Variants in KAZN observed in about 807,000 individuals in gnomAD.
KAZN encodes kazrin.
Under a neutral mutation model 87.4 loss-of-function variants are expected in KAZN, and 40 were observed. That is an observed-to-expected ratio of 0.46 (90% CI 0.36 to 0.60). The LOEUF (loss-of-function observed/expected upper bound fraction) is 0.60, where lower values mean the gene tolerates loss of function less well. KAZN is among the 20% of genes least tolerant of loss of function. The pLI is 0.00. For missense variants in KAZN, 898 were observed against 1,073.9 expected, an observed-to-expected ratio of 0.84 and a Z score of 2.29; for synonymous variants, 466 against 458.3, an observed-to-expected ratio of 1.02 and a Z score of -0.22.
intron 3 of KAZN, 92 bp from the exon 4 acceptor site, chr1:15,043,897 C>CAAA (rs777451777): frequency 5.4e-6 from 7 of 1,285,440 alleles, no homozygotes; most frequent in Middle Eastern, 5.6e-4. Context: ...ACTTCTTTTT[C>CAAA]CATCTAGGAG....
chr1:14,811,020 C>A (rs1206958318), intron 1 of KAZN, among the ~76,000 whole-genome samples: 4 of 152,144 alleles, frequency 2.6e-5, no homozygotes, highest in African/African-American at 9.7e-5. Flanking sequence ...TTGGTGGCCT[C>A]CAAAATGTTT....
chr1:14,528,198 T>C (rs1476792376), intron 2 of KAZN, among the ~76,000 whole-genome samples: 3 of 151,108 alleles, frequency 2.0e-5, no homozygotes, highest in African/African-American at 7.3e-5. Context: ...ATTAGCTGGG[T>C]GTGGTGGTGC....
intron 1 of KAZN, among the ~76,000 whole-genome samples, chr1:14,666,752 T>C (rs1033785963): frequency 6.6e-6 from 1 of 152,060 alleles, no homozygotes; most frequent in African/African-American, 2.4e-5. Context: ...CTTTTTTTAG[T>C]TTTTGAGACA....
At chr1:14,553,611 G>T (rs1362367751) in intron 2 of KAZN, among the ~76,000 whole-genome samples, 1 of 152,198 alleles carries the variant, frequency 6.6e-6, no homozygotes, top group South Asian at 2.1e-4. Flanking sequence ...GCTAGTGAAG[G>T]TGCCCCCTTG....
intron 2 of KAZN, among the ~76,000 whole-genome samples, chr1:14,439,933 G>C (rs986961026): frequency 3.9e-5 from 6 of 152,078 alleles, no homozygotes; most frequent in African/African-American, 1.4e-4. Context: ...CTCCTTCAGC[G>C]CTTGCCTTTT....
intron 2 of KAZN, among the ~76,000 whole-genome samples, chr1:14,590,075 A>T (rs1676101142): frequency 6.6e-6 from 1 of 152,128 alleles, no homozygotes; most frequent in African/African-American, 2.4e-5. Context: ...CACCAAATCG[A>T]ATGCACCTCT....
At chr1:14,679,436 A>G (rs1640436291) in intron 1 of KAZN, among the ~76,000 whole-genome samples, 1 of 151,944 alleles carries the variant, frequency 6.6e-6, no homozygotes, top group Admixed American at 6.5e-5. Flanking sequence ...GGTAGGGGGA[A>G]TATTGGTTTG....
chr1:14,332,678 G>C (rs1049463668), intron 2 of KAZN, among the ~76,000 whole-genome samples: 1 of 152,042 alleles, frequency 6.6e-6, no homozygotes, highest in Non-Finnish European at 1.5e-5. Context: ...TCCTGCACTA[G>C]ACTTGGACTC....
chr1:14,121,636 A>G (rs949330217), intron 1 of KAZN, among the ~76,000 whole-genome samples: 2 of 152,208 alleles, frequency 1.3e-5, no homozygotes, highest in Non-Finnish European at 2.9e-5. Flanking sequence ...ATGCCCAAAG[A>G]TCCCTCCCTC....
At chr1:14,323,276 C>G (rs767476656) in intron 2 of KAZN, among the ~76,000 whole-genome samples, 1 of 152,028 alleles carries the variant, frequency 6.6e-6, no homozygotes, top group Non-Finnish European at 1.5e-5. Flanking sequence ...AATCAAGCCA[C>G]GTGGCCATGC....
intron 2 of KAZN, among the ~76,000 whole-genome samples, chr1:14,541,163 C>G (rs1379219833): frequency 6.6e-6 from 1 of 152,214 alleles, no homozygotes; most frequent in Non-Finnish European, 1.5e-5. Context: ...CTTGAGTTTT[C>G]TGTCAACCGA....
intron 1 of KAZN, among the ~76,000 whole-genome samples, chr1:14,617,907 C>T (rs1678381402): frequency 6.6e-6 from 1 of 152,226 alleles, no homozygotes; most frequent in African/African-American, 2.4e-5. Context: ...GAAGGGACTT[C>T]CCAAGTGCCC....
chr1:14,237,800 A>G (rs1648564632), intron 2 of KAZN, among the ~76,000 whole-genome samples: 1 of 152,062 alleles, frequency 6.6e-6, no homozygotes, highest in African/African-American at 2.4e-5. Context: ...GGACTGTATC[A>G]TGACAGTAAG....
At chr1:14,610,998 G>A (rs1297247941) in intron 1 of KAZN, among the ~76,000 whole-genome samples, 1 of 152,202 alleles carries the variant, frequency 6.6e-6, no homozygotes, top group East Asian at 1.9e-4. Context: ...TGCCTGGACA[G>A]CAAGTGGTCC....
chr1:14,909,832 CTCAGGAGT>C (rs1488141239), intron 1 of KAZN, among the ~76,000 whole-genome samples: 1 of 152,128 alleles, frequency 6.6e-6, no homozygotes, highest in Non-Finnish European at 1.5e-5. Flanking sequence ...ATCACCTGAG[CTCAGGAGT>C]TCAGGAGTTC....
chr1:14,023,309 G>A (rs528050156), intron 1 of KAZN, among the ~76,000 whole-genome samples: 6 of 152,248 alleles, frequency 3.9e-5, no homozygotes, highest in South Asian at 2.1e-4. Flanking sequence ...GTGACACAGC[G>A]AGACCTTGTC....
chr1:14,822,803 C>T (rs190184609), intron 1 of KAZN, among the ~76,000 whole-genome samples: 75 of 152,272 alleles, frequency 4.9e-4, no homozygotes, highest in Admixed American at 1.4e-3. Context: ...CCTTTCCTGG[C>T]ATCACGGTGG....
intron 2 of KAZN, among the ~76,000 whole-genome samples, chr1:14,548,869 A>G (rs1388785806): frequency 6.6e-6 from 1 of 152,252 alleles, no homozygotes. Context: ...TTAAGATATT[A>G]GCTCCTTTTA....
intron 2 of KAZN, among the ~76,000 whole-genome samples, chr1:14,430,932 C>T (rs1429091036): frequency 6.6e-6 from 1 of 152,230 alleles, no homozygotes; most frequent in African/African-American, 2.4e-5. Context: ...GCTCTGTCGC[C>T]ACAGCCTCCT....
Sources: allele counts gnomAD v4.1 joint callset (sites outside exome capture counted in the v4.1 genomes callset), GRCh38; gene constraint gnomAD v4.1.1; transcripts MANE v1.5; gene names NCBI Gene and HGNC (gene_info 2026-07-23, HGNC 2026-07-21).